ZFHX3: variants seen among roughly 807,000 people sequenced by gnomAD.
ZFHX3 encodes zinc finger homeobox protein 3.
ZFHX3 carries 42 observed loss-of-function variants against 279.1 expected under a neutral mutation model. That is an observed-to-expected ratio of 0.15 (90% confidence interval 0.12 to 0.19). The LOEUF is 0.19. ZFHX3 is among the 10% of genes least tolerant of loss of function. The probability of loss-of-function intolerance (pLI) is 1.00; values close to 1 mark genes in which losing one functional copy is unlikely to be tolerated. For synonymous variants in ZFHX3, 2,293 were observed against 1,957.8 expected, an observed-to-expected ratio of 1.17 and a Z score of -4.52; for missense variants, 4,981 against 4,754.0, an observed-to-expected ratio of 1.05 and a Z score of -1.40.
At chr16:73,721,253 C>CT (rs1436508264) in intron 1 of ZFHX3, among the ~76,000 whole-genome samples, 21 of 152,198 alleles carry the variant, frequency 1.4e-4, no homozygotes, top group African/African-American at 4.8e-4. Flanking sequence ...TCCCAGGGAG[C>CT]TGGGACTACA....
chr16:73,153,243 C>T (rs895458834), intron 5 of ZFHX3, among the ~76,000 whole-genome samples: 10 of 152,224 alleles, frequency 6.6e-5, no homozygotes, highest in South Asian at 4.2e-4. Flanking sequence ...GAATCATCTT[C>T]GATAAATAAT....
chr16:73,130,547 C>T (rs909417444), intron 7 of ZFHX3, among the ~76,000 whole-genome samples: 3 of 152,218 alleles, frequency 2.0e-5, no homozygotes, highest in Non-Finnish European at 4.4e-5. Flanking sequence ...CATTTTAAAA[C>T]ATGATGTTCA....
chr16:72,860,504 C>T (rs1248164971), intron 4 of ZFHX3, among the ~76,000 whole-genome samples: 3 of 152,190 alleles, frequency 2.0e-5, no homozygotes, highest in Non-Finnish European at 4.4e-5. Flanking sequence ...GATCTCAGCT[C>T]ACTGCAACCT....
At chr16:73,258,445 G>C (rs1442166807) in intron 4 of ZFHX3, among the ~76,000 whole-genome samples, 1 of 151,928 alleles carries the variant, frequency 6.6e-6, no homozygotes, top group Non-Finnish European at 1.5e-5. Context: ...CACCTCCCGG[G>C]TTCACGCCAT....
intron 4 of ZFHX3, among the ~76,000 whole-genome samples, chr16:72,887,019 G>A (rs752873932): frequency 2.0e-4 from 31 of 152,194 alleles, no homozygotes; most frequent in Non-Finnish European, 3.8e-4. Context: ...AAATTATCCC[G>A]GTACCCAACA....
intron 1 of ZFHX3, among the ~76,000 whole-genome samples, chr16:72,980,617 C>A (rs9922669): frequency 0.32 from 35,122 of 108,102 alleles, 4,475 homozygotes; most frequent in East Asian, 0.41. Context: ...AAAAAAAAAA[C>A]AAAAACAGCT....
chr16:73,032,106 C>T lies in ZFHX3; in HGVS notation c.-50+15646G>A, dbSNP rs561047962. Among the ~76,000 whole-genome samples, 17 of 152,090 alleles carry T rather than the reference C, an allele frequency of 1.1e-4. No individual in the cohort carries two copies. In the South Asian group the frequency reaches 3.3e-3, roughly 30 times the overall value. ...CTGTAATTGCAGCACTTTGGGATGC[C>T]GAGGAGACAGGGAGATCCTGTCTCT... On this transcript the variant is annotated intron_variant, in intron 1 of 9. Transcript: ENST00000268489.
Position 72,950,898 on chromosome 16 carries a change from G to A in ZFHX3, c.2787C>T (p.Asn929=), listed in dbSNP as rs758834161. The change falls in exon 3 of 10, where the codon AAC becomes AAT. Residue 929 remains asparagine (N), a synonymous_variant. Coordinates refer to ENST00000268489, the MANE Select transcript of ZFHX3 (RefSeq NM_006885.4). Reference sequence around the variant, plus strand: ...TGGTCTGGATGAAGCTCTCGCCCAGGTTCATCAGCTCCTCTGACACCAGCT... The same window carrying A: ...TGGTCTGGATGAAGCTCTCGCCCAGATTCATCAGCTCCTCTGACACCAGCT... The part of the protein sequence containing the change: ...GGQLVSEELM[N]LGESFIQTND... The A allele has an allele frequency of 9.5e-5, 153 of 1,613,862 alleles. 2 individuals are homozygous for A. In the South Asian group the frequency reaches 1.6e-3, roughly 17 times the overall value.
At chr16:73,349,545 G>T (rs1190784487) in intron 3 of ZFHX3, among the ~76,000 whole-genome samples, 1 of 152,096 alleles carries the variant, frequency 6.6e-6, no homozygotes, top group African/African-American at 2.4e-5. Context: ...GATGTTATCA[G>T]TTTTTGTAAG....
intron 3 of ZFHX3, among the ~76,000 whole-genome samples, chr16:73,415,555 G>T (rs575205437): frequency 6.6e-6 from 1 of 152,324 alleles, no homozygotes; most frequent in African/African-American, 2.4e-5. Context: ...AAATGGAGCT[G>T]CTTCCTCCTC....
chr16:73,531,491 G>T (rs768754719), intron 2 of ZFHX3, among the ~76,000 whole-genome samples: 49 of 151,930 alleles, frequency 3.2e-4, no homozygotes, highest in Admixed American at 2.6e-3. Context: ...GAGGTGGGGG[G>T]ACTGCCTGAG....
chr16:73,644,071 C>T (rs2052596648), intron 2 of ZFHX3, among the ~76,000 whole-genome samples: 1 of 152,110 alleles, frequency 6.6e-6, no homozygotes. Flanking sequence ...CCACACACCC[C>T]ATCCACCCAC....
intron 1 of ZFHX3, among the ~76,000 whole-genome samples, chr16:73,695,079 A>G (rs1252413637): frequency 3.3e-5 from 5 of 152,330 alleles, no homozygotes; most frequent in African/African-American, 1.2e-4. Flanking sequence ...AAGGGATTAC[A>G]AAAGAGCTGT....
In ZFHX3 at chr16:72,786,596, A is replaced by AC. The variant is rs1212535575; in HGVS notation, c.*567_*568insG. On this transcript the variant is annotated 3_prime_UTR_variant, in exon 10 of 10. Coordinates refer to ENST00000268489, the MANE Select transcript of ZFHX3 (RefSeq NM_006885.4). ...ATCTTTTCTGGAACAAAAAAAAAAA[A>AC]AAAAACTGAAAAAACAATAATATAT... 6.6e-6 allele frequency: 1 copy of AC among 151,808 alleles called. No homozygotes were observed. The highest frequency in any genetic ancestry group is 6.6e-5 in the Admixed American group (1 of 15,226). 9.4% of individuals were successfully genotyped at this position (151,808 alleles called of 1,614,324 possible). A position where few individuals can be genotyped will look rare whatever the true frequency, so the allele number is the denominator to read the frequency against.
At chr16:73,163,599 G>C (rs1331608518) in intron 5 of ZFHX3, among the ~76,000 whole-genome samples, 1 of 152,198 alleles carries the variant, frequency 6.6e-6, no homozygotes, top group African/African-American at 2.4e-5. Context: ...GCTGACTCTT[G>C]GAAGTGGATG....
At chr16:73,806,126 G>C (rs1597123960) in intron 1 of ZFHX3, among the ~76,000 whole-genome samples, 1 of 152,188 alleles carries the variant, frequency 6.6e-6, no homozygotes, top group Non-Finnish European at 1.5e-5. Context: ...GCTCTTGTAA[G>C]AACTCACTAT....
chr16:73,209,365 G>A (rs985006394), intron 5 of ZFHX3, among the ~76,000 whole-genome samples: 3 of 152,064 alleles, frequency 2.0e-5, no homozygotes, highest in African/African-American at 7.2e-5. Context: ...TTCCCCCATG[G>A]GTCTGGAGGG....
chr16:73,010,695 T>C (rs1206386375), intron 1 of ZFHX3, among the ~76,000 whole-genome samples: 1 of 152,198 alleles, frequency 6.6e-6, no homozygotes, highest in African/African-American at 2.4e-5. Context: ...GCTGTGTCTG[T>C]CTTCAGAAAC....
At chr16:73,757,595 T>C (rs1039470499) in intron 1 of ZFHX3, among the ~76,000 whole-genome samples, 1 of 152,082 alleles carries the variant, frequency 6.6e-6, no homozygotes, top group Non-Finnish European at 1.5e-5. Flanking sequence ...TGAGATAAAA[T>C]GGGAGTAAGA....
Sources: allele counts gnomAD v4.1 joint callset (sites outside exome capture counted in the v4.1 genomes callset), GRCh38; gene constraint gnomAD v4.1.1; transcripts MANE v1.5; gene names NCBI Gene and HGNC (gene_info 2026-07-23, HGNC 2026-07-21).